Variants in DLGAP2 observed in about 807,000 individuals in gnomAD.
The protein encoded by DLGAP2 is DLG associated protein 2.
In DLGAP2, 26 loss-of-function variants were observed where a neutral mutation model predicts 100.3. The ratio of observed to expected loss-of-function variants is 0.26; its 90% CI spans 0.19 to 0.36. The LOEUF (loss-of-function observed/expected upper bound fraction) is 0.36, where lower values mean the gene tolerates loss of function less well. DLGAP2 is among the 10% of genes least tolerant of loss of function. DLGAP2 has a pLI of 1.00. For synonymous variants in DLGAP2, 886 were observed against 630.1 expected (o/e 1.41, Z -6.08); for missense variants, 1,858 against 1,453.2 (o/e 1.28, Z -4.53).
chr8:1,130,808 GCGGC>G (rs1796276860), intron 2 of DLGAP2, among the ~76,000 whole-genome samples: 1 of 140,506 alleles, frequency 7.1e-6, no homozygotes, highest in Non-Finnish European at 1.6e-5. Flanking sequence ...CAGCTCTGCA[GCGGC>G]TGGGCTGAGA....
intron 1 of DLGAP2, among the ~76,000 whole-genome samples, chr8:791,296 C>G (rs1393566148): frequency 1.3e-5 from 2 of 152,224 alleles, no homozygotes; most frequent in Non-Finnish European, 2.9e-5. Context: ...AATTGTGTCA[C>G]TGCCAGTGGC....
chr8:824,461 G>A (rs1290398648), intron 1 of DLGAP2, among the ~76,000 whole-genome samples: 1 of 152,136 alleles, frequency 6.6e-6, no homozygotes, highest in Non-Finnish European at 1.5e-5. Context: ...GAGGGAGCGC[G>A]TTGGCTTACT....
intron 9 of DLGAP2, 121 bp downstream of exon 9, chr8:1,668,799 C>T: frequency 1.1e-6 from 1 of 942,662 alleles, no homozygotes; most frequent in South Asian, 1.8e-5. Flanking sequence ...CCCAGCAGGG[C>T]TGTGGAATCT....
chr8:816,459 T>C (rs1796482975), intron 1 of DLGAP2, among the ~76,000 whole-genome samples: 1 of 152,100 alleles, frequency 6.6e-6, no homozygotes, highest in Non-Finnish European at 1.5e-5. Flanking sequence ...TGGAAAAGAG[T>C]GTATCTTTCC....
In DLGAP2 at chr8:1,303,386, G is replaced by C. The variant is rs376003116; in HGVS notation, c.106+44503G>C. ...CACTCCAGCCTGGGCGACAGAGCGA[G>C]ACTCCGTCTCAAAAACAAAAAAAAA... is the stretch of plus-strand genomic sequence containing the variant. On this transcript the variant is annotated intron_variant, in intron 3 of 14. Coordinates refer to ENST00000637795, the MANE Select transcript of DLGAP2 (RefSeq NM_001346810.2). 2.2e-4 allele frequency among the ~76,000 whole-genome samples: 30 copies of C among 133,720 alleles called. No individual in the cohort carries two copies. In the East Asian group the frequency reaches 2.8e-3, roughly 12 times the overall value. 87.7% of individuals were successfully genotyped at this position (133,720 alleles called of 152,430 possible).
At chr8:1,532,431 G>T (rs1350825307) in intron 4 of DLGAP2, among the ~76,000 whole-genome samples, 1 of 152,074 alleles carries the variant, frequency 6.6e-6, no homozygotes, top group Non-Finnish European at 1.5e-5. Context: ...TACGAGATTG[G>T]TTTTCTGATA....
At chr8:1,662,067 G>C (rs1263336073) in intron 8 of DLGAP2, among the ~76,000 whole-genome samples, 1 of 152,246 alleles carries the variant, frequency 6.6e-6, no homozygotes, top group Non-Finnish European at 1.5e-5. Context: ...CTGCCGCAAA[G>C]GGTCTTCCGC....
rs369046733 is a variant in DLGAP2 at position 1,066,992 on chromosome 8, G to GC, written c.73+159032dup. 1.2e-3 allele frequency among the ~76,000 whole-genome samples: 183 copies of GC among 152,272 alleles called. 1 individual carries two copies. The highest frequency in any genetic ancestry group is 4.2e-3 in the African/African-American group (174 of 41,568). On this transcript the variant is annotated intron_variant, in intron 2 of 14. Coordinates refer to ENST00000637795, the MANE Select transcript of DLGAP2 (RefSeq NM_001346810.2). The stretch of plus-strand genomic sequence containing the variant: ...CGCATCCCCAGCCCAAGCTGCCTGG[G>GC]CCCCCCTGATGCCCGACTCTGACTG...
intron 2 of DLGAP2, among the ~76,000 whole-genome samples, chr8:1,214,069 G>A: frequency 6.6e-6 from 1 of 152,184 alleles, no homozygotes; most frequent in South Asian, 2.1e-4. Context: ...CCATGTGGTT[G>A]CCAGGCTCCT....
In DLGAP2 at chr8:1,609,414, C is replaced by T. The variant is rs921973558; in HGVS notation, c.1443-17326C>T. On this transcript the variant is annotated intron_variant, in intron 6 of 14. Coordinates refer to ENST00000637795, the MANE Select transcript of DLGAP2 (RefSeq NM_001346810.2). ...AGCGCTAAACATGGAAAGGAACGAC[C>T]GGTACCAGCTGCTGCAAAATCATGC... is the stretch of plus-strand genomic sequence containing the variant. 8.0e-5 allele frequency among the ~76,000 whole-genome samples: 11 copies of T among 137,084 alleles called. 2 individuals are homozygous for T. Among genetic ancestry groups the T allele is most frequent in the Non-Finnish European group, 1.4e-4 (9 of 62,168 alleles). The allele number at this position is 137,084 out of a possible 152,430, so 89.9% of individuals were successfully genotyped here. A position where few individuals can be genotyped will look rare whatever the true frequency, so the allele number is the denominator to read the frequency against.
intron 2 of DLGAP2, among the ~76,000 whole-genome samples, chr8:1,161,145 C>A (rs1389773352): frequency 2.0e-5 from 3 of 152,160 alleles, no homozygotes; most frequent in Non-Finnish European, 4.4e-5. Context: ...AACGGTCTTA[C>A]ATTTATTAAC....
At chr8:822,972 C>T (rs562873892) in intron 1 of DLGAP2, among the ~76,000 whole-genome samples, 8 of 152,188 alleles carry the variant, frequency 5.3e-5, no homozygotes, top group South Asian at 2.1e-4. Context: ...CGGCATTTCA[C>T]GAGATTTGTC....
intron 2 of DLGAP2, among the ~76,000 whole-genome samples, chr8:1,007,635 T>TTG (rs1801157966): frequency 7.0e-6 from 1 of 142,484 alleles, no homozygotes; most frequent in Admixed American, 6.9e-5. Context: ...TTTTTTTTTT[T>TTG]GGGGGGGGGA....
intron 2 of DLGAP2, among the ~76,000 whole-genome samples, chr8:1,108,166 G>A (rs138213909): frequency 3.1e-4 from 47 of 152,232 alleles, no homozygotes; most frequent in African/African-American, 1.0e-3. Context: ...AGAAAGGATA[G>A]GAAGGTTGAT....
At chr8:1,442,686 G>A (rs1797871788) in intron 3 of DLGAP2, among the ~76,000 whole-genome samples, 1 of 148,398 alleles carries the variant, frequency 6.7e-6, no homozygotes, top group Non-Finnish European at 1.5e-5. Context: ...CCAGGCTGCT[G>A]TGGGTTCATC....
chr8:789,313 C>G (rs995935493), intron 1 of DLGAP2, among the ~76,000 whole-genome samples: 2 of 152,104 alleles, frequency 1.3e-5, no homozygotes, highest in African/African-American at 4.8e-5. Flanking sequence ...TGGCGGAAGG[C>G]GAAGGGGAAG....
intron 3 of DLGAP2, among the ~76,000 whole-genome samples, chr8:1,374,822 C>T (rs574948657): frequency 1.3e-5 from 2 of 152,318 alleles, no homozygotes; most frequent in East Asian, 1.9e-4. Flanking sequence ...AAGCAGAGGC[C>T]ACTCAGGAAA....
rs1392475436 is a variant in DLGAP2, at chr8:1,258,883, G to A, written c.106G>A (p.Glu36Lys). The change falls in exon 3 of 15, where the codon GAG becomes AAG. Residue 36 changes from glutamate to lysine, a missense_variant and splice_region_variant. Transcript: ENST00000637795. The part of the protein sequence containing the change: ...SQCTLCGEPE[E>K]EEAGDLVQPG... ...GTGCACGCTCTGCGGGGAGCCGGAA[G>A]GTGAGTACCTGACATGCTGCCTGGG... 5 of 1,231,734 alleles carry A rather than the reference G, an allele frequency of 4.1e-6. No individual in the cohort carries two copies. Among genetic ancestry groups the A allele is most frequent in the Non-Finnish European group, 5.1e-6 (5 of 988,038 alleles). The allele number at this position is 1,231,734 out of a possible 1,614,324, so 76.3% of individuals were successfully genotyped here. A position where few individuals can be genotyped will look rare whatever the true frequency, so the allele number is the denominator to read the frequency against.
At chr8:856,604 T>A (rs552427482) in intron 1 of DLGAP2, among the ~76,000 whole-genome samples, 3 of 152,176 alleles carry the variant, frequency 2.0e-5, no homozygotes, top group Non-Finnish European at 4.4e-5. Context: ...GAATTTGAGA[T>A]TGAAAACACA....
Sources: gnomAD v4.1 joint callset for allele counts (sites outside exome capture counted in the v4.1 genomes callset) on GRCh38, gnomAD v4.1.1 for gene constraint, MANE v1.5 for transcripts, NCBI Gene and HGNC (gene_info 2026-07-23, HGNC 2026-07-21) for gene names.